LAP3: variants seen among roughly 807,000 people sequenced by gnomAD.
The protein encoded by LAP3 is cytosol aminopeptidase.
LAP3 carries 46 observed loss-of-function variants against 58.8 expected under a neutral mutation model. The observed-to-expected ratio is 0.78, with a 90% CI of 0.62 to 1.00. LAP3 has a LOEUF of 1.00. Ranked by LOEUF, LAP3 falls within the 50% of genes least tolerant of loss-of-function variation. LAP3 has a pLI of 0.00. For missense variants in LAP3, 615 were observed against 659.1 expected (o/e 0.93, Z 0.73); for synonymous variants, 257 against 237.7 (o/e 1.08, Z -0.75).
chr4:17,600,431 G>T (rs1007595368), intron 10 of LAP3, among the ~76,000 whole-genome samples: 14 of 152,050 alleles, frequency 9.2e-5, no homozygotes, highest in African/African-American at 2.9e-4. Flanking sequence ...GGAGGCACTG[G>T]CAGTGAAGCG....
rs1441873083 is a variant in LAP3, at chr4:17,595,411, G to A, written c.865G>A (p.Gly289Ser). 1.2e-6 allele frequency: 2 copies of A among 1,613,710 alleles called. No individual in the cohort carries two copies. The highest frequency in any genetic ancestry group is 2.2e-5 in the South Asian group (2 of 91,008). Residue 289 changes from glycine (G) to serine (S), a missense_variant and splice_region_variant, in exon 8 of 13, where the codon GGT becomes AGT. By Grantham distance (56) the Gly-to-Ser change is moderately conservative. Transcript: ENST00000226299. ...TGCACGTTGTCCATTTCCCCATAGT[G>A]GTGGTATCTCCATCAAGGCTTCTGC... is the stretch of plus-strand genomic sequence containing the variant. ...FVGKGITFDS[G>S]GISIKASANM...
chr4:17,579,058 G>T lies in LAP3; in HGVS notation c.103-766G>T, dbSNP rs115584421. Among the ~76,000 whole-genome samples, 447 of 152,274 alleles carry T rather than the reference G, an allele frequency of 2.9e-3. 5 individuals carry two copies. The highest frequency in any genetic ancestry group is 3.2e-3 in the Non-Finnish European group (216 of 68,024). ...TACAGATTTTATTTACTATTTTTAC[G>T]TGTACACAGGAGTCTGCAAGAGGAA... is the stretch of plus-strand genomic sequence containing the variant. On this transcript the variant is annotated intron_variant, in intron 1 of 12. Coordinates refer to ENST00000226299, the MANE Select transcript of LAP3 (RefSeq NM_015907.3).
At chr4:17,590,545 T>C (rs1713659056) in intron 7 of LAP3, among the ~76,000 whole-genome samples, 1 of 152,198 alleles carries the variant, frequency 6.6e-6, no homozygotes, top group African/African-American at 2.4e-5. Context: ...ATATGCATTA[T>C]ACTATTGTAC....
rs1171510940 is a variant in LAP3, at chr4:17,579,902, A to G, written c.181A>G (p.Lys61Glu). Residue 61 changes from lysine (K) to glutamate (E), a missense_variant, in exon 2 of 13, where the codon AAA becomes GAA. Coordinates refer to ENST00000226299, the MANE Select transcript of LAP3 (RefSeq NM_015907.3). ...QFTSAGENFD[K>E]LLAGKLRETL... ...CACAAGTGCAGGAGAGAATTTTGAT[A>G]AATTGTTAGCTGGAAAGCTGAGAGA... is the stretch of plus-strand genomic sequence containing the variant. The G allele has an allele frequency of 2.5e-6, 4 of 1,611,982 alleles. No homozygotes were observed. In the African/African-American group the frequency reaches 5.3e-5, roughly 22 times the overall value.
intron 5 of LAP3, 98 bp downstream of exon 5, chr4:17,583,740 C>A: frequency 1.5e-6 from 2 of 1,371,416 alleles, no homozygotes; most frequent in Non-Finnish European, 2.0e-6. Flanking sequence ...CCACCCACAG[C>A]TGCGTGGCTT....
rs1056329340 is a variant in LAP3, at chr4:17,577,293, G to T, written c.-173G>T. On this transcript the variant is annotated 5_prime_UTR_variant, in exon 1 of 13. Coordinates refer to ENST00000226299, the MANE Select transcript of LAP3 (RefSeq NM_015907.3). ...ACCGCGGTTTGATCCCAGCGGTCCA[G>T]TCGGCCGGTGCTGCCCATCCGTCCC... 1.5e-5 allele frequency: 2 copies of T among 137,886 alleles called. No individual in the cohort carries two copies. Among genetic ancestry groups the T allele is most frequent in the Non-Finnish European group, 2.5e-5 (2 of 80,036 alleles). 8.5% of individuals were successfully genotyped at this position (137,886 alleles called of 1,614,324 possible).
At position 17,585,044 on chromosome 4, in the gene LAP3, G is replaced by C. The variant is rs749865796; in HGVS notation, c.612G>C (p.Glu204Asp). ...SGQNLARQLMETPANEMTPTR... is the reference protein window; with the variant it reads ...SGQNLARQLMDTPANEMTPTR... ...AGAACTTGGCACGCCAATTGATGGA[G>C]ACGCCAGCCAATGAGATGACGCCAA... The change falls in exon 6 of 13, where the codon GAG becomes GAC. Residue 204 changes from glutamate to aspartate, a missense_variant. By Grantham distance (45) the Glu-to-Asp change is conservative. Coordinates refer to ENST00000226299, the MANE Select transcript of LAP3 (RefSeq NM_015907.3). The C allele has an allele frequency of 6.2e-7, 1 of 1,614,000 alleles. No homozygotes were observed. The highest frequency in any genetic ancestry group is 1.3e-5 in the African/African-American group (1 of 74,926).
chr4:17,589,997 A>T (rs1380493857), intron 7 of LAP3, among the ~76,000 whole-genome samples: 1 of 152,158 alleles, frequency 6.6e-6, no homozygotes, highest in Non-Finnish European at 1.5e-5. Context: ...GGCTGAACTG[A>T]GAAAGATAGT....
At chr4:17,589,612 G>C (rs1341968163) in intron 7 of LAP3, among the ~76,000 whole-genome samples, 1 of 151,970 alleles carries the variant, frequency 6.6e-6, no homozygotes, top group African/African-American at 2.4e-5. Context: ...TCAAACTCAG[G>C]TGTGTCGTGT....
intron 10 of LAP3, among the ~76,000 whole-genome samples, chr4:17,602,149 G>C (rs770428076): frequency 1.3e-5 from 2 of 152,148 alleles, no homozygotes; most frequent in African/African-American, 2.4e-5. Flanking sequence ...GTGTGTCCTG[G>C]TACTGATGGT....
At position 17,577,249 on chromosome 4, in the gene LAP3, C is replaced by CACGAATGCGGGCGCACACGACTG; in HGVS notation, c.-217_-216insACGAATGCGGGCGCACACGACTG. 2.6e-6 allele frequency: 1 copy of CACGAATGCGGGCGCACACGACTG among 390,326 alleles called. No homozygotes were observed. The highest frequency in any genetic ancestry group is 4.5e-6 in the Non-Finnish European group (1 of 220,804). The allele number at this position is 390,326 out of a possible 1,614,324, so 24.2% of individuals were successfully genotyped here. A position where few individuals can be genotyped will look rare whatever the true frequency, so the allele number is the denominator to read the frequency against. On this transcript the variant is annotated 5_prime_UTR_variant, in exon 1 of 13. It adds an upstream start codon to the 5' untranslated region. Coordinates refer to ENST00000226299, the MANE Select transcript of LAP3 (RefSeq NM_015907.3). ...GCGGGCGCACACGAATGCGGGCGCA[C>CACGAATGCGGGCGCACACGACTG]CCTTGAGTCCCCTCCACAACCGCGG...
intron 7 of LAP3, among the ~76,000 whole-genome samples, chr4:17,593,617 T>TTTTTTG (rs1553881808): frequency 7.3e-6 from 1 of 137,008 alleles, no homozygotes; most frequent in African/African-American, 2.7e-5. Flanking sequence ...GGGTTTTTTT[T>TTTTTTG]TTTTTTTTTT....
intron 6 of LAP3, among the ~76,000 whole-genome samples, chr4:17,587,122 C>T (rs183029425): frequency 6.6e-6 from 1 of 152,218 alleles, no homozygotes; most frequent in East Asian, 1.9e-4. Context: ...AGACTGGAGC[C>T]TAAGGAGAGT....
chr4:17,605,012 T>G (rs1048465049), intron 11 of LAP3, among the ~76,000 whole-genome samples: 1 of 152,090 alleles, frequency 6.6e-6, no homozygotes. Flanking sequence ...GTGAGTCATA[T>G]AAGGGAGTTC....
intron 10 of LAP3, among the ~76,000 whole-genome samples, chr4:17,599,855 G>A (rs1048353617): frequency 2.0e-5 from 3 of 152,182 alleles, no homozygotes; most frequent in African/African-American, 7.2e-5. Flanking sequence ...TCCCAGCTGT[G>A]CCACTTACTA....
rs1560339568 is a variant in LAP3 at position 17,577,222 on chromosome 4, A to ACACGAC, written c.-244_-243insCACGAC. 2.8e-6 allele frequency: 1 copy of ACACGAC among 357,754 alleles called. No individual in the cohort carries two copies. Among genetic ancestry groups the ACACGAC allele is most frequent in the African/African-American group, 2.2e-5 (1 of 45,056 alleles). 22.2% of individuals were successfully genotyped at this position (357,754 alleles called of 1,614,324 possible). On this transcript the variant is annotated 5_prime_UTR_variant, in exon 1 of 13. The change abolishes an upstream ATG in the 5' untranslated region. Transcript: ENST00000226299. ...CGCACACGAATGCGGGCGCACACGA[A>ACACGAC]TGCGGGCGCACACGAATGCGGGCGC...
chr4:17,595,074 G>A (rs754427183), intron 7 of LAP3, among the ~76,000 whole-genome samples: 11 of 151,590 alleles, frequency 7.3e-5, no homozygotes, highest in East Asian at 2.0e-4. Context: ...CGAGGCTGGC[G>A]GATCACGAGG....
intron 7 of LAP3, among the ~76,000 whole-genome samples, chr4:17,591,191 C>G (rs1713683136): frequency 1.3e-5 from 2 of 152,142 alleles, no homozygotes; most frequent in South Asian, 4.1e-4. Context: ...ATTCTCCTGC[C>G]TGAGCCTCCC....
Position 17,598,486 on chromosome 4 carries a change from A to C in LAP3, c.1108A>C (p.Ile370Leu). 1 of 1,614,126 alleles carries C rather than the reference A, an allele frequency of 6.2e-7. No homozygotes were observed. Among genetic ancestry groups the C allele is most frequent in the Non-Finnish European group, 8.5e-7 (1 of 1,179,988 alleles). The change falls in exon 10 of 13, where the codon ATA (isoleucine) becomes CTA (leucine). Residue 370 changes from isoleucine to leucine, a missense_variant. Ile to Leu is a conservative substitution (Grantham distance 5). Coordinates refer to ENST00000226299, the MANE Select transcript of LAP3 (RefSeq NM_015907.3). ...VDNTDAEGRL[I>L]LADALCYAHT... ...TAACACTGATGCTGAGGGGAGGCTC[A>C]TACTGGCTGATGCGCTCTGTTACGC...
Sources: gnomAD v4.1 joint callset for allele counts (sites outside exome capture counted in the v4.1 genomes callset) on GRCh38, gnomAD v4.1.1 for gene constraint, MANE v1.5 for transcripts, NCBI Gene and HGNC (gene_info 2026-07-23, HGNC 2026-07-21) for gene names.